Variants in MMP16 observed in about 807,000 individuals in gnomAD.
The protein encoded by MMP16 is matrix metalloproteinase-16.
A neutral mutation model predicts 67.8 loss-of-function variants in MMP16; 12 were observed. That is an observed-to-expected ratio of 0.18 (90% CI 0.11 to 0.29). The LOEUF (loss-of-function observed/expected upper bound fraction) is 0.29, where lower values mean the gene tolerates loss of function less well. MMP16 is among the 10% of genes least tolerant of loss of function. The probability of loss-of-function intolerance (pLI) is 1.00; values close to 1 mark genes in which losing one functional copy is unlikely to be tolerated. For missense variants in MMP16, 475 were observed against 765.7 expected, an observed-to-expected ratio of 0.62 and a Z score of 4.48; for synonymous variants, 249 against 255.9, an observed-to-expected ratio of 0.97 and a Z score of 0.26.
chr8:88,207,747 G>T (rs950691831), intron 1 of MMP16, among the ~76,000 whole-genome samples: 5 of 151,904 alleles, frequency 3.3e-5, no homozygotes, highest in Admixed American at 1.3e-4. Flanking sequence ...AGGTGTTGCT[G>T]CAGCTATGCC....
At chr8:88,180,947 A>C (rs958160088) in intron 3 of MMP16, among the ~76,000 whole-genome samples, 2 of 152,316 alleles carry the variant, frequency 1.3e-5, no homozygotes, top group East Asian at 3.9e-4. Context: ...TCATATTATC[A>C]TATCAGCAGA....
intron 1 of MMP16, among the ~76,000 whole-genome samples, chr8:88,306,631 A>G (rs1811215545): frequency 6.6e-6 from 1 of 152,350 alleles, no homozygotes; most frequent in South Asian, 2.1e-4. Flanking sequence ...CAATATATGC[A>G]AATCAGTAAA....
chr8:88,139,793 A>G (rs1586171179), intron 4 of MMP16, among the ~76,000 whole-genome samples: 1 of 152,102 alleles, frequency 6.6e-6, no homozygotes, highest in Non-Finnish European at 1.5e-5. Context: ...AAATATTGCT[A>G]TACTTCTTTG....
chr8:88,261,776 C>CACACACACACAA (rs952525320), intron 1 of MMP16, among the ~76,000 whole-genome samples: 1 of 151,588 alleles, frequency 6.6e-6, no homozygotes, highest in Non-Finnish European at 1.5e-5. Flanking sequence ...TACATGTACA[C>CACACACACACAA]ACACACACAC....
rs185229119 is a variant in MMP16 at position 88,159,847 on chromosome 8, G to A, written c.709+7822C>T. Among the ~76,000 whole-genome samples, 1,092 of 152,116 alleles carry A rather than the reference G, an allele frequency of 7.2e-3. 11 individuals carry two copies. The highest frequency in any genetic ancestry group is 0.025 in the African/African-American group (1,045 of 41,484). ...TTGAGAGTTTTTAGCATGAAGGGCT[G>A]TTGAATTTTGTCAAAGGCCTTTTCT... On this transcript the variant is annotated intron_variant, in intron 4 of 9. Transcript: ENST00000286614.
chr8:88,248,307 C>G (rs1810152559), intron 1 of MMP16, among the ~76,000 whole-genome samples: 1 of 151,898 alleles, frequency 6.6e-6, no homozygotes, highest in African/African-American at 2.4e-5. Flanking sequence ...GAAGACTGTA[C>G]AACTGTAGAT....
At chr8:88,278,296 T>C (rs1161366543) in intron 1 of MMP16, among the ~76,000 whole-genome samples, 1 of 152,126 alleles carries the variant, frequency 6.6e-6, no homozygotes. Context: ...TGAGAACATG[T>C]CCACTGCTTG....
chr8:88,141,383 C>A (rs935038868), intron 4 of MMP16, among the ~76,000 whole-genome samples: 2 of 152,054 alleles, frequency 1.3e-5, no homozygotes, highest in African/African-American at 4.8e-5. Context: ...AAATTTTTAT[C>A]TATTAGATTG....
intron 7 of MMP16, among the ~76,000 whole-genome samples, chr8:88,073,261 C>T (rs1031074930): frequency 1.3e-5 from 2 of 152,124 alleles, no homozygotes; most frequent in South Asian, 4.1e-4. Context: ...TGCGGTGCAC[C>T]GCCACTTTTT....
At chr8:88,202,535 A>G (rs1263257348) in intron 1 of MMP16, among the ~76,000 whole-genome samples, 4 of 152,146 alleles carry the variant, frequency 2.6e-5, no homozygotes, top group African/African-American at 9.7e-5. Flanking sequence ...CAGGCTGGAA[A>G]GTTGCAGAAG....
intron 1 of MMP16, among the ~76,000 whole-genome samples, chr8:88,234,989 C>A (rs1051624043): frequency 6.6e-6 from 1 of 152,148 alleles, no homozygotes; most frequent in African/African-American, 2.4e-5. Flanking sequence ...TAGGAAAATT[C>A]TCTTTATGTG....
At chr8:88,190,484 G>A (rs1444365889) in intron 2 of MMP16, among the ~76,000 whole-genome samples, 1 of 152,166 alleles carries the variant, frequency 6.6e-6, no homozygotes, top group African/African-American at 2.4e-5. Flanking sequence ...ACTCATCAAT[G>A]CATGAAATGT....
At chr8:88,293,540 C>T (rs187497940) in intron 1 of MMP16, among the ~76,000 whole-genome samples, 7 of 152,102 alleles carry the variant, frequency 4.6e-5, no homozygotes, top group Non-Finnish European at 1.0e-4. Context: ...TAATCCATTG[C>T]TTTTAAAAGA....
intron 1 of MMP16, among the ~76,000 whole-genome samples, chr8:88,323,517 T>C (rs897832878): frequency 3.3e-5 from 5 of 152,196 alleles, no homozygotes; most frequent in African/African-American, 9.6e-5. Flanking sequence ...TTTTGCCTTA[T>C]CAAGACTTTT....
chr8:88,167,352 T>C (rs527935022), intron 4 of MMP16, among the ~76,000 whole-genome samples: 115 of 152,288 alleles, frequency 7.6e-4, no homozygotes, highest in Admixed American at 4.1e-3. Context: ...TTTCTTAATA[T>C]GTATTTCATG....
At chr8:88,282,295 G>A (rs984970518) in intron 1 of MMP16, among the ~76,000 whole-genome samples, 29 of 152,172 alleles carry the variant, frequency 1.9e-4, no homozygotes, top group African/African-American at 5.5e-4. Context: ...AGCTGGCCTC[G>A]AACTCCTGAC....
At chr8:88,324,164 A>G (rs1398480223) in intron 1 of MMP16, among the ~76,000 whole-genome samples, 2 of 152,160 alleles carry the variant, frequency 1.3e-5, no homozygotes, top group Non-Finnish European at 2.9e-5. Context: ...GTAGTGTCTG[A>G]CCCTTTCTTA....
At chr8:88,090,984 C>G (rs899854986) in intron 6 of MMP16, among the ~76,000 whole-genome samples, 1 of 151,780 alleles carries the variant, frequency 6.6e-6, no homozygotes, top group East Asian at 1.9e-4. Flanking sequence ...TTTTCTTTCT[C>G]TTTCCTATTG....
At chr8:88,079,528 T>C (rs1406608267) in intron 6 of MMP16, among the ~76,000 whole-genome samples, 1 of 152,160 alleles carries the variant, frequency 6.6e-6, no homozygotes, top group African/African-American at 2.4e-5. Context: ...ACAACTGTAC[T>C]TTAAATGTTC....
Sources: gnomAD v4.1 joint callset for allele counts (sites outside exome capture counted in the v4.1 genomes callset) on GRCh38, gnomAD v4.1.1 for gene constraint, MANE v1.5 for transcripts, NCBI Gene and HGNC (gene_info 2026-07-23, HGNC 2026-07-21) for gene names.